The following UTP11 variants were observed in gnomAD, a reference collection of about 807,000 sequenced individuals.
UTP11 encodes UTP11 small subunit processome component.
A neutral mutation model predicts 39.0 loss-of-function variants in UTP11; 29 were observed. The ratio of observed to expected loss-of-function variants is 0.74; its 90% CI spans 0.55 to 1.01. The LOEUF is 1.01. Among genes scored for constraint, UTP11 ranks in the 50% least tolerant of loss-of-function variants. The probability of loss-of-function intolerance (pLI) is 0.00; values close to 1 mark genes in which losing one functional copy is unlikely to be tolerated. For synonymous variants in UTP11, 111 were observed against 105.0 expected (o/e 1.06, Z -0.35); for missense variants, 281 against 306.0 (o/e 0.92, Z 0.61).
rs1020653905 is a variant in UTP11, at chr1:38,019,269, C to G, written c.453C>G (p.Val151=). 9.9e-6 allele frequency: 16 copies of G among 1,613,900 alleles called. No individual in the cohort carries two copies. Among genetic ancestry groups the G allele is most frequent in the Non-Finnish European group, 1.4e-5 (16 of 1,180,000 alleles). The stretch of plus-strand genomic sequence containing the variant: ...GAATTTTAGTTGAACAGTTTGATGT[C>G]GCAACTCACCTGCAAACAGCCCCGG... ...DTKKEVEQFD[V]ATHLQTAPEL... The change falls in exon 6 of 8, where the codon GTC becomes GTG. Residue 151 remains valine (V), a synonymous_variant. Coordinates refer to ENST00000373014, the MANE Select transcript of UTP11 (RefSeq NM_016037.4).
rs974686792 is a variant in UTP11, at chr1:38,021,906, AAAG to A, written c.568-787_568-785del. On this transcript the variant is annotated intron_variant, in intron 6 of 7. Coordinates refer to ENST00000373014, the MANE Select transcript of UTP11 (RefSeq NM_016037.4). Reference sequence around the variant, plus strand: ...AGACTCCGCCTCAGAAAAAAAAAAAAAAGAAGAAAGATCCCAAAGCTTTCATCA... The same window carrying A: ...AGACTCCGCCTCAGAAAAAAAAAAAAAAGAAAGATCCCAAAGCTTTCATCA... 9.9e-5 allele frequency among the ~76,000 whole-genome samples: 15 copies of A among 152,216 alleles called. 1 individual carries two copies. Among genetic ancestry groups the A allele is most frequent in the Admixed American group, 6.5e-4 (10 of 15,300 alleles).
At chr1:38,017,811 C>T in intron 3 of UTP11, 41 bp downstream of exon 3, 1 of 1,504,924 alleles carries the variant, frequency 6.6e-7, no homozygotes, top group Non-Finnish European at 9.1e-7. Context: ...GAGCTCCACA[C>T]ATTGGAAAAT....
chr1:38,013,241 G>A (rs1323187340), intron 1 of UTP11, among the ~76,000 whole-genome samples: 2 of 151,872 alleles, frequency 1.3e-5, no homozygotes, highest in East Asian at 3.8e-4. Flanking sequence ...GGGCAGCTCC[G>A]CCTGCTGCAT....
At chr1:38,019,432 GTTTTTTTTTTGTTT>G (rs536198923) in intron 6 of UTP11, 49 bp downstream of exon 6, 19,766 of 1,042,870 alleles carry the variant, frequency 0.019, 135 homozygotes, top group Middle Eastern at 0.03. Flanking sequence ...GAATCTAGGT[GTTTTTTTTTTGTTT>G]TTTTTTTTTT....
chr1:38,016,156 A>T (rs1646705940), intron 1 of UTP11, among the ~76,000 whole-genome samples: 2 of 152,224 alleles, frequency 1.3e-5, no homozygotes, highest in Admixed American at 1.3e-4. Flanking sequence ...AGTGCTTGTG[A>T]CCTGTCTGGT....
At chr1:38,019,443 G>GT (rs869306672) in intron 6 of UTP11, 60 bp downstream of exon 6, 147,679 of 872,302 alleles carry the variant, frequency 0.17, 22 homozygotes, top group Non-Finnish European at 0.18. Flanking sequence ...TTTTTTTTTT[G>GT]TTTTTTTTTT....
chr1:38,018,396 C>G, intron 3 of UTP11, 68 bp from the exon 4 acceptor site: 1 of 1,205,084 alleles, frequency 8.3e-7, no homozygotes, highest in Non-Finnish European at 1.2e-6. Context: ...TCTAGCCGTG[C>G]ACTGTGCCAA....
chr1:38,023,949 T>A lies in UTP11; in HGVS notation c.*321T>A, dbSNP rs1411973322. On this transcript the variant is annotated 3_prime_UTR_variant, in exon 8 of 8. Coordinates refer to ENST00000373014, the MANE Select transcript of UTP11 (RefSeq NM_016037.4). ...AACTCCTGGGCTCAAGTGATCTTCCTGCATCAGCCTCTTGAGTAGCTGGGA... is the reference window on the plus strand; with the variant it reads ...AACTCCTGGGCTCAAGTGATCTTCCAGCATCAGCCTCTTGAGTAGCTGGGA... 1 of 178,328 alleles carries A rather than the reference T, an allele frequency of 5.6e-6. No homozygotes were observed. Among genetic ancestry groups the A allele is most frequent in the Non-Finnish European group, 1.2e-5 (1 of 85,570 alleles). 11.0% of individuals were successfully genotyped at this position (178,328 alleles called of 1,614,324 possible). A position where few individuals can be genotyped will look rare whatever the true frequency, so the allele number is the denominator to read the frequency against.
chr1:38,016,733 G>C (rs1455682950), intron 2 of UTP11: 1 of 316,650 alleles, frequency 3.2e-6, no homozygotes, highest in African/African-American at 2.1e-5. Flanking sequence ...TTTTCTCTTT[G>C]TTTTCTTGAA....
In UTP11 at chr1:38,019,262, T is replaced by C. The variant is rs1010057565; in HGVS notation, c.446T>C (p.Phe149Ser). 1.9e-5 allele frequency: 30 copies of C among 1,614,008 alleles called. No homozygotes were observed. Among genetic ancestry groups the C allele is most frequent in the Non-Finnish European group, 2.5e-5 (29 of 1,180,028 alleles). The change falls in exon 6 of 8, where the codon TTT becomes TCT. Residue 149 changes from phenylalanine to serine, a missense_variant. Phe to Ser is a radical substitution (Grantham distance 155). Transcript: ENST00000373014. ...TTGTCTTGAATTTTAGTTGAACAGTTTGATGTCGCAACTCACCTGCAAACA... is the reference window on the plus strand; with the variant it reads ...TTGTCTTGAATTTTAGTTGAACAGTCTGATGTCGCAACTCACCTGCAAACA... ...FFDTKKEVEQ[F>S]DVATHLQTAP...
intron 2 of UTP11, 103 bp from the exon 3 acceptor site, chr1:38,017,565 A>C: frequency 1.2e-6 from 1 of 862,000 alleles, no homozygotes. Context: ...ACTCTGTGTG[A>C]CCTTTTAGAT....
At chr1:38,022,872 C>A in intron 7 of UTP11, 63 bp downstream of exon 7, 1 of 1,132,644 alleles carries the variant, frequency 8.8e-7, no homozygotes, top group Middle Eastern at 2.0e-4. Flanking sequence ...TTGTAAAGGT[C>A]TTAACTCAGA....
At chr1:38,021,747 G>A (rs1368089620) in intron 6 of UTP11, among the ~76,000 whole-genome samples, 1 of 152,136 alleles carries the variant, frequency 6.6e-6, no homozygotes, top group African/African-American at 2.4e-5. Flanking sequence ...ACAAAAATTA[G>A]CCAGGCGTGG....
intron 1 of UTP11, 64 bp downstream of exon 1, chr1:38,012,929 C>T (rs1214293321): frequency 1.6e-5 from 26 of 1,600,992 alleles, no homozygotes; most frequent in Non-Finnish European, 2.1e-5. Context: ...TGCCCCAACC[C>T]TGTCGCCACC....
At chr1:38,022,564 C>A (rs777892662) in intron 6 of UTP11, 135 bp from the exon 7 acceptor site, 2 of 637,504 alleles carry the variant, frequency 3.1e-6, no homozygotes, top group Non-Finnish European at 2.8e-6. Context: ...GTTATTGTTA[C>A]CACGTTATGT....
chr1:38,014,907 G>C (rs887242492), intron 1 of UTP11, among the ~76,000 whole-genome samples: 1 of 152,156 alleles, frequency 6.6e-6, no homozygotes, highest in South Asian at 2.1e-4. Flanking sequence ...GCTTACCAAA[G>C]TGCTAGGATT....
At chr1:38,019,432 GT>G (rs150395460) in intron 6 of UTP11, 49 bp downstream of exon 6, 1,282 of 1,034,966 alleles carry the variant, frequency 1.2e-3, no homozygotes, top group East Asian at 3.0e-3. Flanking sequence ...GAATCTAGGT[GT>G]TTTTTTTTTG....
In UTP11 at chr1:38,019,062, A is replaced by AT; in HGVS notation, c.347dup (p.Glu117ArgfsTer25). Reference sequence around the variant, plus strand: ...GAGACCATATTCTGTGTTCTAGAAAATCGAAAGACTAAAATCAGAGCTCCA... The same window carrying AT: ...GAGACCATATTCTGTGTTCTAGAAAATTCGAAAGACTAAAATCAGAGCTCCA... On this transcript the variant is annotated frameshift_variant, in exon 5 of 8. Coordinates refer to ENST00000373014, the MANE Select transcript of UTP11 (RefSeq NM_016037.4). LOFTEE classifies it high-confidence loss of function. 6.2e-7 allele frequency: 1 copy of AT among 1,613,408 alleles called. No homozygotes were observed. Among genetic ancestry groups the AT allele is most frequent in the Non-Finnish European group, 8.5e-7 (1 of 1,179,786 alleles).
At chr1:38,016,741 G>T (rs143453855) in intron 2 of UTP11, 2 of 312,276 alleles carry the variant, frequency 6.4e-6, no homozygotes, top group Admixed American at 9.1e-5. Context: ...TTGTTTTCTT[G>T]AAGTGCAGGA....
Sources: gnomAD v4.1 joint callset for allele counts (sites outside exome capture counted in the v4.1 genomes callset) on GRCh38, gnomAD v4.1.1 for gene constraint, MANE v1.5 for transcripts, NCBI Gene and HGNC (gene_info 2026-07-23, HGNC 2026-07-21) for gene names.